METTL15: variants seen among roughly 807,000 people sequenced by gnomAD.
METTL15 encodes 12S rRNA N(4)-cytidine methyltransferase METTL15.
A neutral mutation model predicts 38.3 loss-of-function variants in METTL15; 34 were observed. That is an observed-to-expected ratio of 0.89 (90% CI 0.68 to 1.18). METTL15 has a LOEUF of 1.18. Ranked by LOEUF, METTL15 falls within the 50% of genes most tolerant of loss-of-function variation. METTL15 has a pLI of 0.00. For synonymous variants in METTL15, 162 were observed against 170.9 expected (o/e 0.95, Z 0.41); for missense variants, 438 against 498.4 (o/e 0.88, Z 1.15).
At chr11:28,300,395 A>G (rs1382283129) in intron 6 of METTL15, among the ~76,000 whole-genome samples, 2 of 152,182 alleles carry the variant, frequency 1.3e-5, no homozygotes, top group Non-Finnish European at 2.9e-5. Context: ...AAGGAAGAAC[A>G]ACACACTTGG....
chr11:28,113,531 A>C lies in METTL15; in HGVS notation c.197A>C (p.Glu66Ala). Residue 66 changes from glutamate to alanine, a missense_variant, in exon 3 of 7, where the codon GAA becomes GCA. Physicochemically the swap from Glu to Ala is moderately radical, Grantham distance 107. Transcript: ENST00000407364. ...CACAGATCTCAAGATAGAGATTTTG[A>C]AACTATGGCTAAATTACATATTCCA... The part of the protein sequence containing the change: ...ELHRSQDRDF[E>A]TMAKLHIPVM... 6.2e-7 allele frequency: 1 copy of C among 1,613,784 alleles called. No homozygotes were observed. Among genetic ancestry groups the C allele is most frequent in the Non-Finnish European group, 8.5e-7 (1 of 1,179,830 alleles).
chr11:28,217,151 C>T (rs894096289), intron 4 of METTL15, among the ~76,000 whole-genome samples: 35 of 152,224 alleles, frequency 2.3e-4, no homozygotes, highest in South Asian at 4.1e-4. Flanking sequence ...ACTTCCATAA[C>T]GGTTGAACTA....
chr11:28,189,236 A>C (rs570072259), intron 3 of METTL15, among the ~76,000 whole-genome samples: 1 of 151,356 alleles, frequency 6.6e-6, no homozygotes, highest in Non-Finnish European at 1.5e-5. Context: ...AAATTTGAGC[A>C]TATAAAAATT....
chr11:28,163,519 CT>C (rs1850545137), intron 3 of METTL15: 1 of 397,200 alleles, frequency 2.5e-6, no homozygotes, highest in Non-Finnish European at 4.4e-6. Context: ...TAAGATGCTT[CT>C]TCTTACTGAT....
intron 4 of METTL15, among the ~76,000 whole-genome samples, chr11:28,353,231 G>T (rs1031008454): frequency 6.6e-6 from 1 of 152,060 alleles, no homozygotes; most frequent in African/African-American, 2.4e-5. Context: ...GATAGCAAAA[G>T]GCTCAAAAAG....
intron 6 of METTL15, among the ~76,000 whole-genome samples, chr11:28,304,055 A>C (rs978644745): frequency 6.6e-6 from 1 of 152,186 alleles, no homozygotes; most frequent in African/African-American, 2.4e-5. Context: ...TTTAAAGTGC[A>C]AATATTCTTG....
chr11:28,270,844 G>GTT (rs1855613796), intron 4 of METTL15, among the ~76,000 whole-genome samples: 1 of 152,224 alleles, frequency 6.6e-6, no homozygotes, highest in Admixed American at 6.5e-5. Flanking sequence ...TAATACCTGG[G>GTT]TTAGAATCCC....
chr11:28,120,296 T>G (rs1852169818), intron 3 of METTL15, among the ~76,000 whole-genome samples: 1 of 151,448 alleles, frequency 6.6e-6, no homozygotes, highest in Admixed American at 6.6e-5. Context: ...AAATTTCATA[T>G]GAGATGGACT....
intron 5 of METTL15, among the ~76,000 whole-genome samples, chr11:28,394,894 T>A (rs907758297): frequency 2.6e-5 from 4 of 152,036 alleles, no homozygotes; most frequent in African/African-American, 7.2e-5. Context: ...AGATACTTAT[T>A]AAGTATAAGC....
intron 3 of METTL15, among the ~76,000 whole-genome samples, chr11:28,185,542 C>T (rs2133792277): frequency 6.6e-6 from 1 of 151,468 alleles, no homozygotes; most frequent in African/African-American, 2.4e-5. Flanking sequence ...CTGTTGCCAT[C>T]AATTTTATTA....
intron 5 of METTL15, among the ~76,000 whole-genome samples, chr11:28,293,196 A>G (rs951741992): frequency 6.6e-6 from 1 of 152,142 alleles, no homozygotes; most frequent in African/African-American, 2.4e-5. Flanking sequence ...TAGGTCTAAC[A>G]TTTAAGTCTT....
chr11:28,171,437 G>A (rs1000014506), intron 3 of METTL15, among the ~76,000 whole-genome samples: 12 of 152,102 alleles, frequency 7.9e-5, no homozygotes, highest in African/African-American at 2.7e-4. Flanking sequence ...ATATGAAAAG[G>A]TTTGCCAAAT....
At chr11:28,354,505 T>C (rs1448176154) in intron 4 of METTL15, among the ~76,000 whole-genome samples, 1 of 152,204 alleles carries the variant, frequency 6.6e-6, no homozygotes, top group Admixed American at 6.5e-5. Flanking sequence ...ATTTGAAAGA[T>C]TCTATTCTGT....
At chr11:28,413,296 G>C (rs1415522966) in intron 5 of METTL15, among the ~76,000 whole-genome samples, 1 of 151,844 alleles carries the variant, frequency 6.6e-6, no homozygotes, top group Non-Finnish European at 1.5e-5. Flanking sequence ...TAGCTTCCCT[G>C]AAAATGATAG....
chr11:28,239,837 T>C (rs777362839), intron 4 of METTL15, among the ~76,000 whole-genome samples: 1 of 152,230 alleles, frequency 6.6e-6, no homozygotes, highest in Non-Finnish European at 1.5e-5. Flanking sequence ...TATAATTCCT[T>C]ACCCTTGCTT....
At chr11:28,229,148 ATGTT>A (rs1565185345) in intron 4 of METTL15, among the ~76,000 whole-genome samples, 5 of 152,084 alleles carry the variant, frequency 3.3e-5, no homozygotes, top group East Asian at 1.9e-4. Context: ...TGTTTAATAA[ATGTT>A]AGTTATAATT....
At chr11:28,375,607 C>CA (rs1342183266) in intron 5 of METTL15, among the ~76,000 whole-genome samples, 6 of 151,902 alleles carry the variant, frequency 3.9e-5, no homozygotes, top group African/African-American at 9.7e-5. Flanking sequence ...TTGATCCTTT[C>CA]AAAAAACCAG....
intron 6 of METTL15, among the ~76,000 whole-genome samples, chr11:28,445,331 T>C (rs772869616): frequency 2.6e-5 from 4 of 152,192 alleles, no homozygotes; most frequent in Admixed American, 6.5e-5. Flanking sequence ...ATTTGTCTCA[T>C]CTCTGTGTGT....
chr11:28,293,376 C>A (rs923648583), intron 5 of METTL15, among the ~76,000 whole-genome samples: 2 of 151,928 alleles, frequency 1.3e-5, no homozygotes, highest in African/African-American at 4.8e-5. Context: ...AGATATGCGG[C>A]GTTATTTCTG....
Sources: gnomAD v4.1 joint callset for allele counts (sites outside exome capture counted in the v4.1 genomes callset) on GRCh38, gnomAD v4.1.1 for gene constraint, MANE v1.5 for transcripts, NCBI Gene and HGNC (gene_info 2026-07-23, HGNC 2026-07-21) for gene names.